Variants in KCNIP1 observed in about 807,000 individuals in gnomAD.
KCNIP1 encodes the protein A-type potassium channel modulatory protein KCNIP1.
A neutral mutation model predicts 33.0 loss-of-function variants in KCNIP1; 18 were observed. The ratio of observed to expected loss-of-function variants is 0.55; its 90% CI spans 0.38 to 0.81. The LOEUF is 0.81. KCNIP1 is among the 30% of genes least tolerant of loss of function. KCNIP1 has a pLI of 0.00. For synonymous variants in KCNIP1, 93 were observed against 98.3 expected, an observed-to-expected ratio of 0.95 and a Z score of 0.32; for missense variants, 238 against 271.6, an observed-to-expected ratio of 0.88 and a Z score of 0.87.
chr5:170,632,803 G>A (rs1760109264), intron 1 of KCNIP1, among the ~76,000 whole-genome samples: 1 of 152,208 alleles, frequency 6.6e-6, no homozygotes, highest in Admixed American at 6.5e-5. Context: ...AAGCAACCTG[G>A]CCTCTCTGAA....
At chr5:170,459,034 A>G (rs1237947866) in intron 1 of KCNIP1, among the ~76,000 whole-genome samples, 1 of 152,084 alleles carries the variant, frequency 6.6e-6, no homozygotes, top group East Asian at 1.9e-4. Flanking sequence ...ATGCAAATGG[A>G]GTAACTATTC....
At chr5:170,611,671 C>A (rs1260006042) in intron 1 of KCNIP1, among the ~76,000 whole-genome samples, 1 of 152,220 alleles carries the variant, frequency 6.6e-6, no homozygotes, top group Non-Finnish European at 1.5e-5. Flanking sequence ...CAAGCCCACT[C>A]CACCTTCCTC....
intron 1 of KCNIP1, among the ~76,000 whole-genome samples, chr5:170,442,178 C>T (rs984853926): frequency 9.2e-5 from 14 of 152,094 alleles, no homozygotes; most frequent in African/African-American, 3.4e-4. Context: ...CTTGGCCCCA[C>T]ATGAGCTCTG....
intron 1 of KCNIP1, among the ~76,000 whole-genome samples, chr5:170,601,398 T>A (rs1758683516): frequency 6.6e-6 from 1 of 152,218 alleles, no homozygotes; most frequent in Non-Finnish European, 1.5e-5. Flanking sequence ...ATCCGGGAGC[T>A]GGACTAGAAC....
chr5:170,378,018 T>C (rs1411362658), intron 1 of KCNIP1: 1 of 152,084 alleles, frequency 6.6e-6, no homozygotes, highest in Non-Finnish European at 1.5e-5. Context: ...GCTTTTCTGA[T>C]TAAAAGCAAA....
intron 1 of KCNIP1, among the ~76,000 whole-genome samples, chr5:170,424,964 A>G (rs1446323627): frequency 6.6e-6 from 1 of 152,146 alleles, no homozygotes. Context: ...GCCTTTGCAC[A>G]TGCTGGAACC....
chr5:170,551,283 T>C (rs1756623598), intron 1 of KCNIP1, among the ~76,000 whole-genome samples: 1 of 152,228 alleles, frequency 6.6e-6, no homozygotes, highest in Admixed American at 6.5e-5. Flanking sequence ...TCTCCATTTA[T>C]CTGTATAACC....
chr5:170,728,585 C>T (rs1259085584), intron 5 of KCNIP1, among the ~76,000 whole-genome samples: 1 of 151,918 alleles, frequency 6.6e-6, no homozygotes, highest in Non-Finnish European at 1.5e-5. Flanking sequence ...TCATTGTGAT[C>T]ACAATAAAAT....
intron 1 of KCNIP1, among the ~76,000 whole-genome samples, chr5:170,457,610 G>A (rs1014668770): frequency 9.9e-5 from 15 of 152,148 alleles, no homozygotes; most frequent in Non-Finnish European, 1.8e-4. Flanking sequence ...ACTACAGCTC[G>A]GCTCTCAGGA....
At chr5:170,480,636 G>A (rs1561644741) in intron 1 of KCNIP1, among the ~76,000 whole-genome samples, 1 of 151,936 alleles carries the variant, frequency 6.6e-6, no homozygotes, top group East Asian at 1.9e-4. Context: ...TTGAGATGGG[G>A]TCTCTCCATA....
At chr5:170,367,667 C>T (rs1198783867) in intron 1 of KCNIP1, among the ~76,000 whole-genome samples, 3 of 152,202 alleles carry the variant, frequency 2.0e-5, no homozygotes, top group Admixed American at 6.5e-5. Flanking sequence ...AGTCTCGAGC[C>T]TTGTTCTTTC....
At chr5:170,645,529 G>A (rs755099768) in intron 1 of KCNIP1, among the ~76,000 whole-genome samples, 5 of 152,112 alleles carry the variant, frequency 3.3e-5, no homozygotes, top group South Asian at 2.1e-4. Flanking sequence ...ACACTTGGAG[G>A]CCTTAACACC....
intron 1 of KCNIP1, among the ~76,000 whole-genome samples, chr5:170,683,333 G>T (rs887229849): frequency 6.6e-6 from 1 of 152,188 alleles, no homozygotes; most frequent in East Asian, 1.9e-4. Flanking sequence ...GAAGAAGACA[G>T]ATTTAGAGAA....
At chr5:170,719,681 C>A (rs1349100955) in intron 2 of KCNIP1, among the ~76,000 whole-genome samples, 1 of 152,130 alleles carries the variant, frequency 6.6e-6, no homozygotes, top group Non-Finnish European at 1.5e-5. Context: ...AACTGCTGAC[C>A]CACAGGGATT....
chr5:170,480,704 A>G (rs772519527), intron 1 of KCNIP1, among the ~76,000 whole-genome samples: 24 of 152,160 alleles, frequency 1.6e-4, no homozygotes, highest in Non-Finnish European at 3.2e-4. Context: ...TCAACCTCCC[A>G]AACTGCTGGG....
At chr5:170,408,709 T>A (rs905160654) in intron 1 of KCNIP1, among the ~76,000 whole-genome samples, 2 of 152,212 alleles carry the variant, frequency 1.3e-5, no homozygotes, top group African/African-American at 4.8e-5. Context: ...AAAACTTGTA[T>A]TTTAAATACC....
Position 170,489,236 on chromosome 5 carries a change from A to C in KCNIP1, c.88+135272A>C, listed in dbSNP as rs1251104381. Among the ~76,000 whole-genome samples the C allele has an allele frequency of 6.6e-6, 1 of 152,234 alleles. No homozygotes were observed. The highest frequency in any genetic ancestry group is 2.4e-5 in the African/African-American group (1 of 41,470). The stretch of plus-strand genomic sequence containing the variant: ...ATCTGTCACCTCGGCACTTACCCCA[A>C]AAGATGGAGGACTGCTGGCAGAAAC... On this transcript the variant is annotated intron_variant, in intron 1 of 7. Coordinates refer to the KCNIP1 transcript ENST00000377360. This position sits in a 1 kb window ranked among gnomAD's most constrained non-coding sequence, Gnocchi z 4.3.
intron 1 of KCNIP1, among the ~76,000 whole-genome samples, chr5:170,680,001 A>C (rs1183175293): frequency 6.6e-6 from 1 of 152,198 alleles, no homozygotes; most frequent in African/African-American, 2.4e-5. Context: ...CAATTTATTT[A>C]TGAATTTACC....
chr5:170,448,862 A>G (rs950961392), intron 1 of KCNIP1, among the ~76,000 whole-genome samples: 1 of 152,226 alleles, frequency 6.6e-6, no homozygotes, highest in Non-Finnish European at 1.5e-5. Flanking sequence ...AATATACTCT[A>G]TAATTATGAA....
Sources: allele counts gnomAD v4.1 joint callset (sites outside exome capture counted in the v4.1 genomes callset), GRCh38; gene constraint gnomAD v4.1.1; non-coding constraint Gnocchi (gnomAD v3.1); transcripts MANE v1.5; gene names NCBI Gene and HGNC (gene_info 2026-07-23, HGNC 2026-07-21).